The following PIGS variants were observed in gnomAD, a reference collection of about 807,000 sequenced individuals.
The protein encoded by PIGS is phosphatidylinositol glycan anchor biosynthesis class S.
A neutral mutation model predicts 58.2 loss-of-function variants in PIGS; 37 were observed. That is an observed-to-expected ratio of 0.64 (90% CI 0.49 to 0.84). The LOEUF (loss-of-function observed/expected upper bound fraction) is 0.84. PIGS is among the 40% of genes least tolerant of loss of function. PIGS has a pLI of 0.00. For synonymous variants in PIGS, 269 were observed against 289.2 expected (o/e 0.93, Z 0.71); for missense variants, 629 against 710.8 (o/e 0.88, Z 1.31).
Position 28,571,183 on chromosome 17 carries a change from C to T in PIGS, c.40G>A (p.Ala14Thr), listed in dbSNP as rs994146449. 5.0e-6 allele frequency: 8 copies of T among 1,612,928 alleles called. No homozygotes were observed. The highest frequency in any genetic ancestry group is 6.8e-6 in the Non-Finnish European group (8 of 1,179,808). ...AGAAATHLEV[A>T]RGKRAALFFA... ...AAGAGGGCGGCGCGCTTGCCCCGGG[C>T]CACCTCTGAGGGCATGGGGAACCGA... The change falls in exon 2 of 12, where the codon GCC (alanine) becomes ACC (threonine). Residue 14 changes from alanine (A) to threonine (T), a missense_variant. Transcript: ENST00000308360.
In PIGS at chr17:28,568,205, C is replaced by T. The variant is rs111522384; in HGVS notation, c.286+2647G>A. Among the ~76,000 whole-genome samples, 164 of 152,010 alleles carry T rather than the reference C, an allele frequency of 1.1e-3. 1 individual carries two copies. Among genetic ancestry groups the T allele is most frequent in the African/African-American group, 3.2e-3 (133 of 41,470 alleles). On this transcript the variant is annotated intron_variant, in intron 3 of 11. Transcript: ENST00000308360. ...GCAACTTCCACCTCACAGGTTCAAGCGATTCTCCTGCCTCAGCCTCCCAAG... is the reference window on the plus strand; with the variant it reads ...GCAACTTCCACCTCACAGGTTCAAGTGATTCTCCTGCCTCAGCCTCCCAAG...
In PIGS at chr17:28,553,437, CCAGA is replaced by C. The variant is rs1597581535; in HGVS notation, c.*779_*782del. ...GTGTTTATTAAGAGCCTACTACACG[CCAGA>C]CACTTTACATGCTGATCACATTTAC... On this transcript the variant is annotated 3_prime_UTR_variant, in exon 12 of 12. Transcript: ENST00000308360. The C allele has an allele frequency of 6.6e-6, 1 of 152,454 alleles. No individual in the cohort carries two copies. Among genetic ancestry groups the C allele is most frequent in the African/African-American group, 2.4e-5 (1 of 41,338 alleles). The allele number at this position is 152,454 out of a possible 1,614,324, so 9.4% of individuals were successfully genotyped here. A position where few individuals can be genotyped will look rare whatever the true frequency, so the allele number is the denominator to read the frequency against.
At chr17:28,569,996 G>T (rs1310921490) in intron 3 of PIGS, among the ~76,000 whole-genome samples, 1 of 152,022 alleles carries the variant, frequency 6.6e-6, no homozygotes, top group Non-Finnish European at 1.5e-5. Context: ...TTAAAAATCC[G>T]ACTTAAGAAT....
intron 6 of PIGS, among the ~76,000 whole-genome samples, chr17:28,560,813 C>T (rs2070359260): frequency 1.3e-5 from 2 of 151,774 alleles, no homozygotes; most frequent in African/African-American, 4.8e-5. Context: ...CAAGAATTAG[C>T]CAGACATGGT....
At chr17:28,570,448 T>A (rs567684311) in intron 3 of PIGS, among the ~76,000 whole-genome samples, 1 of 152,154 alleles carries the variant, frequency 6.6e-6, no homozygotes, top group East Asian at 1.9e-4. Context: ...GAGGCAGAGG[T>A]TGCAGTGAGC....
intron 4 of PIGS, 25 bp from the exon 5 acceptor site, chr17:28,563,547 C>G: frequency 6.2e-7 from 1 of 1,601,760 alleles, no homozygotes; most frequent in East Asian, 2.2e-5. Context: ...AGGTGGTACA[C>G]CAAGAGCAAA....
chr17:28,569,771 A>G lies in PIGS; in HGVS notation c.286+1081T>C, dbSNP rs187557884. 2.2e-3 allele frequency among the ~76,000 whole-genome samples: 336 copies of G among 152,340 alleles called. 1 individual carries two copies. Among genetic ancestry groups the G allele is most frequent in the African/African-American group, 8.0e-3 (333 of 41,570 alleles). Reference sequence around the variant, plus strand: ...CTTACTAGCTGTGTGACCTTGCACAAGTTAAATTCTCTAAGGCTCAGTTTC... The same window carrying G: ...CTTACTAGCTGTGTGACCTTGCACAGGTTAAATTCTCTAAGGCTCAGTTTC... On this transcript the variant is annotated intron_variant, in intron 3 of 11. Coordinates refer to ENST00000308360, the MANE Select transcript of PIGS (RefSeq NM_033198.4).
rs192866770 is a variant in PIGS at position 28,571,295 on chromosome 17, T to C, written c.35-107A>G. ...ACCGGCCTCCAGGGGCCCGCGTTCA[T>C]TGGGATCTCCGTGCGAAGGGACCCG... On this transcript the variant is annotated intron_variant, in intron 1 of 11. Coordinates refer to ENST00000308360, the MANE Select transcript of PIGS (RefSeq NM_033198.4). The C allele has an allele frequency of 2.5e-5, 38 of 1,527,830 alleles. No homozygotes were observed. In the East Asian group the frequency reaches 7.8e-4, roughly 31 times the overall value. The allele number at this position is 1,527,830 out of a possible 1,614,324, so 94.6% of individuals were successfully genotyped here. A position where few individuals can be genotyped will look rare whatever the true frequency, so the allele number is the denominator to read the frequency against.
chr17:28,555,305 T>C (rs1280963529), intron 10 of PIGS: 1 of 493,552 alleles, frequency 2.0e-6, no homozygotes, highest in East Asian at 3.7e-5. Flanking sequence ...TCCAAGATCT[T>C]GTTTTTTAAA....
In PIGS at chr17:28,561,475, A is replaced by C; in HGVS notation, c.623T>G (p.Leu208Arg). ...DVLAAALADH[L>R]PEDKWSAEKR... is the part of the protein sequence containing the mutation. ...CTCAGCGCTCCACTTGTCCTCTGGA[A>C]GGTGGTCAGCCAGAGCAGCAGCAAG... Residue 208 changes from leucine (L) to arginine (R), a missense_variant, in exon 6 of 12, where the codon CTT (leucine) becomes CGT (arginine). Transcript: ENST00000308360. The C allele has an allele frequency of 6.2e-7, 1 of 1,614,054 alleles. No individual in the cohort carries two copies. The highest frequency in any genetic ancestry group is 8.5e-7 in the Non-Finnish European group (1 of 1,179,936).
chr17:28,568,861 C>T (rs1309842723), intron 3 of PIGS, among the ~76,000 whole-genome samples: 5 of 149,062 alleles, frequency 3.4e-5, no homozygotes, highest in African/African-American at 1.2e-4. Flanking sequence ...TTTGGGAGGC[C>T]GAGGCTGGTG....
At chr17:28,563,345 G>T in intron 5 of PIGS, 86 bp downstream of exon 5, 1 of 1,155,104 alleles carries the variant, frequency 8.7e-7, no homozygotes, top group South Asian at 1.3e-5. Flanking sequence ...TGGAAGAAAT[G>T]GGTAGCAATG....
At chr17:28,570,122 CT>C (rs2070418168) in intron 3 of PIGS, among the ~76,000 whole-genome samples, 1 of 152,194 alleles carries the variant, frequency 6.6e-6, no homozygotes, top group African/African-American at 2.4e-5. Flanking sequence ...TCTTTCTCCC[CT>C]ACCTATGAAC....
At position 28,554,032 on chromosome 17, in the gene PIGS, AG is replaced by A. The variant is rs1175031448; in HGVS notation, c.*187del. On this transcript the variant is annotated 3_prime_UTR_variant, in exon 12 of 12. Coordinates refer to ENST00000308360, the MANE Select transcript of PIGS (RefSeq NM_033198.4). ...CCTGGTGGTGGAGGAGGATTGAGCCAGGTGAATGGGAAAGGAAGAAAAGATG... is the reference window on the plus strand; with the variant it reads ...CCTGGTGGTGGAGGAGGATTGAGCCAGTGAATGGGAAAGGAAGAAAAGATG... 4.2e-6 allele frequency: 3 copies of A among 707,648 alleles called. No homozygotes were observed. Among genetic ancestry groups the A allele is most frequent in the East Asian group, 2.8e-5 (1 of 36,060 alleles). The allele number at this position is 707,648 out of a possible 1,614,324, so 43.8% of individuals were successfully genotyped here. A position where few individuals can be genotyped will look rare whatever the true frequency, so the allele number is the denominator to read the frequency against.
intron 8 of PIGS, 76 bp downstream of exon 8, chr17:28,558,399 GT>G (rs942249970): frequency 4.9e-6 from 6 of 1,212,820 alleles, no homozygotes; most frequent in African/African-American, 1.5e-5. Context: ...TCCAACTCCT[GT>G]CCCCTACCCA....
intron 10 of PIGS, 190 bp downstream of exon 10, chr17:28,555,976 A>G (rs633274): frequency 5.2e-6 from 3 of 574,944 alleles, no homozygotes; most frequent in Non-Finnish European, 9.2e-6. Context: ...CTCAAAAAAA[A>G]AAATAAATGA....
In PIGS at chr17:28,553,880, C is replaced by T. The variant is rs2070306691; in HGVS notation, c.*340G>A. ...GGACTTTCCCATAATGCTCCCTCCT[C>T]TCAGTGCACAAGTGTGCTATGTTGA... On this transcript the variant is annotated 3_prime_UTR_variant, in exon 12 of 12. Coordinates refer to ENST00000308360, the MANE Select transcript of PIGS (RefSeq NM_033198.4). The T allele has an allele frequency of 6.7e-6, 2 of 298,996 alleles. No homozygotes were observed. The highest frequency in any genetic ancestry group is 1.3e-5 in the Non-Finnish European group (2 of 157,824). 18.5% of individuals were successfully genotyped at this position (298,996 alleles called of 1,614,324 possible).
chr17:28,560,783 AT>A (rs1487566270), intron 6 of PIGS, among the ~76,000 whole-genome samples: 2 of 151,960 alleles, frequency 1.3e-5, no homozygotes, highest in South Asian at 2.1e-4. Flanking sequence ...TCAAAAAAAA[AT>A]AAAATAAAAA....
chr17:28,563,740 C>A, intron 4 of PIGS, 78 bp downstream of exon 4: 1 of 1,453,122 alleles, frequency 6.9e-7, no homozygotes, highest in Non-Finnish European at 9.6e-7. Context: ...TAAGCCAAAG[C>A]ATGGGAACTA....
Sources: gnomAD v4.1 joint callset for allele counts (sites outside exome capture counted in the v4.1 genomes callset) on GRCh38, gnomAD v4.1.1 for gene constraint, MANE v1.5 for transcripts, NCBI Gene and HGNC (gene_info 2026-07-23, HGNC 2026-07-21) for gene names.